USP10: variants seen among roughly 807,000 people sequenced by gnomAD.
The protein encoded by USP10 is ubiquitin carboxyl-terminal hydrolase 10.
In USP10, 22 loss-of-function variants were observed where a neutral mutation model predicts 84.5. The observed-to-expected ratio is 0.26, with a 90% CI of 0.19 to 0.37. The LOEUF (loss-of-function observed/expected upper bound fraction) is 0.37, where lower values mean the gene tolerates loss of function less well. Ranked by LOEUF, USP10 falls within the 10% of genes least tolerant of loss-of-function variation. The pLI is 1.00. For synonymous variants in USP10, 454 were observed against 387.6 expected, an observed-to-expected ratio of 1.17 and a Z score of -2.01; for missense variants, 1,019 against 998.9, an observed-to-expected ratio of 1.02 and a Z score of -0.27.
Position 84,779,335 on chromosome 16 carries a change from C to T in USP10, c.*253C>T, listed in dbSNP as rs991312595. 17 of 338,232 alleles carry T rather than the reference C, an allele frequency of 5.0e-5. No individual in the cohort carries two copies. Among genetic ancestry groups the T allele is most frequent in the African/African-American group, 3.4e-4 (16 of 47,254 alleles). The allele number at this position is 338,232 out of a possible 1,614,324, so 21.0% of individuals were successfully genotyped here. A position where few individuals can be genotyped will look rare whatever the true frequency, so the allele number is the denominator to read the frequency against. Reference sequence around the variant, plus strand: ...AGAAAATACACAAAAACCCATATTTCTGAAATAATGCTGATTCCTGAGATA... The same window carrying T: ...AGAAAATACACAAAAACCCATATTTTTGAAATAATGCTGATTCCTGAGATA... On this transcript the variant is annotated 3_prime_UTR_variant, in exon 14 of 14. Transcript: ENST00000219473.
At chr16:84,723,211 A>C (rs1329128627) in intron 1 of USP10, among the ~76,000 whole-genome samples, 3 of 144,532 alleles carry the variant, frequency 2.1e-5, no homozygotes, top group African/African-American at 7.7e-5. Context: ...GTTTCTCTTT[A>C]GCTTGGGAAA....
chr16:84,718,830 T>A (rs146488064), intron 1 of USP10, among the ~76,000 whole-genome samples: 2,570 of 151,764 alleles, frequency 0.017, 91 homozygotes, highest in South Asian at 0.14. Context: ...TCTTTCTCTG[T>A]CACCCAGGCT....
At chr16:84,737,127 TG>T (rs1269273906) in intron 2 of USP10, among the ~76,000 whole-genome samples, 1 of 152,214 alleles carries the variant, frequency 6.6e-6, no homozygotes, top group Non-Finnish European at 1.5e-5. Context: ...GAGGGCTTTG[TG>T]GTTCAGGAGA....
chr16:84,722,922 C>G (rs955843312), intron 1 of USP10, among the ~76,000 whole-genome samples: 2 of 152,252 alleles, frequency 1.3e-5, no homozygotes, highest in South Asian at 4.1e-4. Flanking sequence ...ACATGAGTTC[C>G]TGTCATTGAC....
chr16:84,710,428 G>A (rs1375260473), intron 1 of USP10, among the ~76,000 whole-genome samples: 4 of 152,108 alleles, frequency 2.6e-5, no homozygotes. Context: ...ATAACTTTGA[G>A]GGGAAAGAAG....
chr16:84,758,875 C>CT, intron 5 of USP10, 68 bp downstream of exon 5: 1 of 1,123,242 alleles, frequency 8.9e-7, no homozygotes, highest in South Asian at 1.3e-5. Context: ...GTGCATGTGA[C>CT]TTAGCTCAGC....
In USP10 at chr16:84,744,712, C is replaced by T; in HGVS notation, c.231C>T (p.Tyr77=). ...PSDTLPRTPS[Y]SISSTLNPQA... ...ACACTTTGCCGAGAACCCCCAGCTA[C>T]AGTATTTCAAGCACACTGAACCCTC... The change falls in exon 4 of 14, where the codon TAC becomes TAT. Residue 77 remains tyrosine (Y), a synonymous_variant. Coordinates refer to ENST00000219473, the MANE Select transcript of USP10 (RefSeq NM_005153.3). 2 of 1,613,642 alleles carry T rather than the reference C, an allele frequency of 1.2e-6. No homozygotes were observed. The highest frequency in any genetic ancestry group is 2.2e-5 in the South Asian group (2 of 91,048).
chr16:84,757,838 A>C (rs1319635914), intron 4 of USP10, among the ~76,000 whole-genome samples: 1 of 152,142 alleles, frequency 6.6e-6, no homozygotes, highest in South Asian at 2.1e-4. Flanking sequence ...CTTATTGGTG[A>C]AAGGGTCAAA....
At chr16:84,741,675 T>C (rs959747276) in intron 3 of USP10, among the ~76,000 whole-genome samples, 5 of 152,226 alleles carry the variant, frequency 3.3e-5, no homozygotes, top group African/African-American at 1.2e-4. Context: ...GTCCTGCCTT[T>C]TTTCTGCCAA....
intron 1 of USP10, among the ~76,000 whole-genome samples, chr16:84,708,312 T>G (rs1905817681): frequency 6.6e-6 from 1 of 152,038 alleles, no homozygotes; most frequent in South Asian, 2.1e-4. Context: ...TAGCCGAGTG[T>G]GGTGGCGGGC....
chr16:84,757,097 T>C (rs1274045905), intron 4 of USP10, among the ~76,000 whole-genome samples: 2 of 152,162 alleles, frequency 1.3e-5, no homozygotes, highest in Admixed American at 6.5e-5. Flanking sequence ...ATGAATAATA[T>C]ACACAAAGCT....
chr16:84,764,842 A>AT (rs1913643834), intron 10 of USP10, among the ~76,000 whole-genome samples: 1 of 151,514 alleles, frequency 6.6e-6, no homozygotes. Context: ...GAAAAAAAAA[A>AT]GAAAAAGATA....
At chr16:84,754,488 A>T (rs969336925) in intron 4 of USP10, among the ~76,000 whole-genome samples, 1 of 152,144 alleles carries the variant, frequency 6.6e-6, no homozygotes, top group East Asian at 1.9e-4. Context: ...AAGGGCCCGT[A>T]CGTATGTTCT....
chr16:84,763,786 T>C (rs934880898), intron 9 of USP10, among the ~76,000 whole-genome samples: 3 of 152,098 alleles, frequency 2.0e-5, no homozygotes, highest in Non-Finnish European at 4.4e-5. Context: ...CCAGTGACGT[T>C]GCACCTGTTG....
At chr16:84,724,102 A>T (rs73243949) in intron 1 of USP10, among the ~76,000 whole-genome samples, 1 of 152,212 alleles carries the variant, frequency 6.6e-6, no homozygotes, top group African/African-American at 2.4e-5. Context: ...TACAATAGCA[A>T]TTTTACACAG....
chr16:84,742,681 A>G (rs767892970), intron 3 of USP10, among the ~76,000 whole-genome samples: 5 of 152,144 alleles, frequency 3.3e-5, no homozygotes, highest in African/African-American at 1.2e-4. Context: ...TGCCTGGCAC[A>G]TTGGGCTCTG....
intron 6 of USP10, 30 bp from the exon 7 acceptor site, chr16:84,759,861 C>T (rs201868210): frequency 1.9e-6 from 3 of 1,606,480 alleles, no homozygotes; most frequent in Admixed American, 1.7e-5. Context: ...TTTAAAACTG[C>T]ACTATTTAAC....
chr16:84,711,629 G>T (rs901267255), intron 1 of USP10, among the ~76,000 whole-genome samples: 3 of 151,668 alleles, frequency 2.0e-5, no homozygotes, highest in African/African-American at 7.3e-5. Flanking sequence ...TTGCTCTTCT[G>T]TGCCACAACA....
At chr16:84,758,889 C>G (rs7203008) in intron 5 of USP10, 82 bp downstream of exon 5, 3 of 957,808 alleles carry the variant, frequency 3.1e-6, no homozygotes, top group Non-Finnish European at 5.1e-6. Context: ...GCTCAGCTTC[C>G]GTGGGCCATC....
Sources: gnomAD v4.1 joint callset for allele counts (sites outside exome capture counted in the v4.1 genomes callset) on GRCh38, gnomAD v4.1.1 for gene constraint, MANE v1.5 for transcripts, NCBI Gene and HGNC (gene_info 2026-07-23, HGNC 2026-07-21) for gene names.